The following PTPRD variants were observed in gnomAD, a reference collection of about 807,000 sequenced individuals.
PTPRD encodes the protein receptor-type tyrosine-protein phosphatase delta.
In PTPRD, 34 loss-of-function variants were observed where a neutral mutation model predicts 214.5. That is an observed-to-expected ratio of 0.16 (90% CI 0.12 to 0.21). PTPRD has a LOEUF of 0.21. Among genes scored for constraint, PTPRD ranks in the 10% least tolerant of loss-of-function variants. PTPRD has a pLI of 1.00. For missense variants in PTPRD, 2,545 were observed against 2,398.7 expected (o/e 1.06, Z -1.27); for synonymous variants, 1,128 against 845.7 (o/e 1.33, Z -5.79).
intron 11 of PTPRD, among the ~76,000 whole-genome samples, chr9:8,917,456 AT>A (rs1166512121): frequency 9.2e-5 from 14 of 151,736 alleles, no homozygotes; most frequent in Non-Finnish European, 2.1e-4. Context: ...GATTGTTTCT[AT>A]TTTCCTCTTT....
chr9:10,020,208 C>A (rs1305478011), intron 4 of PTPRD, among the ~76,000 whole-genome samples: 6 of 152,194 alleles, frequency 3.9e-5, no homozygotes, highest in Admixed American at 1.3e-4. Flanking sequence ...TTTATTTGGA[C>A]ATTGTTTTCT....
At chr9:10,434,951 T>G (rs1200895939) in intron 2 of PTPRD, among the ~76,000 whole-genome samples, 1 of 151,834 alleles carries the variant, frequency 6.6e-6, no homozygotes, top group Non-Finnish European at 1.5e-5. Flanking sequence ...ACAATCTCTA[T>G]GCTACCCCGA....
intron 9 of PTPRD, among the ~76,000 whole-genome samples, chr9:9,186,875 T>C (rs972870893): frequency 2.0e-4 from 31 of 152,200 alleles, no homozygotes; most frequent in African/African-American, 6.0e-4. Context: ...ATGATGTTTA[T>C]ATTCTTACAC....
chr9:10,433,373 C>T (rs1416182694), intron 2 of PTPRD, among the ~76,000 whole-genome samples: 1 of 151,930 alleles, frequency 6.6e-6, no homozygotes, highest in African/African-American at 2.4e-5. Context: ...TTTTGCTAAT[C>T]GAGGTATATA....
intron 9 of PTPRD, among the ~76,000 whole-genome samples, chr9:9,348,971 T>C (rs1371265344): frequency 6.6e-6 from 1 of 152,114 alleles, no homozygotes; most frequent in Non-Finnish European, 1.5e-5. Flanking sequence ...AAGTAGTGTC[T>C]GAGGTTATTG....
chr9:9,363,000 C>T (rs1240306686), intron 9 of PTPRD, among the ~76,000 whole-genome samples: 1 of 150,980 alleles, frequency 6.6e-6, no homozygotes, highest in Non-Finnish European at 1.5e-5. Flanking sequence ...GGAGGCAGCT[C>T]CAGTTTATTA....
chr9:8,973,130 ATGTAT>A (rs1203195191), intron 11 of PTPRD, among the ~76,000 whole-genome samples: 4 of 151,994 alleles, frequency 2.6e-5, no homozygotes, highest in Admixed American at 6.6e-5. Flanking sequence ...CAGGTGTCAA[ATGTAT>A]AGATTTGTTA....
At chr9:8,878,366 G>C (rs1354577464) in intron 11 of PTPRD, among the ~76,000 whole-genome samples, 3 of 152,116 alleles carry the variant, frequency 2.0e-5, no homozygotes, top group Non-Finnish European at 4.4e-5. Context: ...AAATTAAAGA[G>C]ACAGAACCAG....
intron 8 of PTPRD, among the ~76,000 whole-genome samples, chr9:9,429,176 G>C (rs1402108572): frequency 2.6e-5 from 4 of 152,104 alleles, no homozygotes; most frequent in Admixed American, 1.3e-4. Context: ...AAGAAGAAAA[G>C]AGAGAAGAAT....
intron 10 of PTPRD, among the ~76,000 whole-genome samples, chr9:9,086,352 C>G (rs571924550): frequency 6.6e-6 from 1 of 152,078 alleles, no homozygotes; most frequent in Non-Finnish European, 1.5e-5. Flanking sequence ...TTATGGGCAG[C>G]CTATTGTGTC....
At chr9:9,865,897 T>C (rs945754942) in intron 5 of PTPRD, among the ~76,000 whole-genome samples, 8 of 152,224 alleles carry the variant, frequency 5.3e-5, no homozygotes, top group African/African-American at 1.4e-4. Context: ...TAAGAATCTG[T>C]AATGGCTTCC....
intron 2 of PTPRD, among the ~76,000 whole-genome samples, chr9:10,468,348 CAG>C (rs1156896163): frequency 6.6e-6 from 1 of 152,068 alleles, no homozygotes; most frequent in Non-Finnish European, 1.5e-5. Context: ...ATGTCCTTTG[CAG>C]AGACACAGAT....
intron 2 of PTPRD, among the ~76,000 whole-genome samples, chr9:10,572,899 G>GT (rs1247373605): frequency 6.6e-6 from 1 of 151,920 alleles, no homozygotes; most frequent in African/African-American, 2.4e-5. Flanking sequence ...AAACTTTTAA[G>GT]TTTTTTTCAA....
At chr9:8,890,457 C>T (rs1193590753) in intron 11 of PTPRD, among the ~76,000 whole-genome samples, 3 of 152,202 alleles carry the variant, frequency 2.0e-5, no homozygotes, top group African/African-American at 7.2e-5. Flanking sequence ...CTTGTCTCCG[C>T]CTGAAGACTT....
rs375755265 is a variant in PTPRD at position 8,636,795 on chromosome 9, G to C, written c.114C>G (p.Gly38=). The C allele has an allele frequency of 3.7e-6, 6 of 1,613,824 alleles. No individual in the cohort carries two copies. Among genetic ancestry groups the C allele is most frequent in the Non-Finnish European group, 5.1e-6 (6 of 1,179,918 alleles). Residue 38 remains glycine (G), a synonymous_variant, in exon 13 of 46, where the codon GGC becomes GGG. Transcript: ENST00000381196. ...RTPVDQTGVS[G]GVASFICQAT... Reference sequence around the variant, plus strand: ...CTTGGCAGATGAAAGAGGCAACTCCGCCAGAGACCCCTGTCTGATCAACGG... The same window carrying C: ...CTTGGCAGATGAAAGAGGCAACTCCCCCAGAGACCCCTGTCTGATCAACGG...
chr9:10,004,273 C>A (rs2096412596), intron 4 of PTPRD, among the ~76,000 whole-genome samples: 1 of 151,792 alleles, frequency 6.6e-6, no homozygotes, highest in African/African-American at 2.4e-5. Context: ...TAAAAGCAAT[C>A]ATTAGGCTAT....
chr9:10,405,970 T>C (rs1319552805), intron 2 of PTPRD, among the ~76,000 whole-genome samples: 1 of 151,496 alleles, frequency 6.6e-6, no homozygotes, highest in African/African-American at 2.4e-5. Flanking sequence ...TGTATATTAT[T>C]ATGTGAATGT....
chr9:8,704,271 C>T (rs537188967), intron 12 of PTPRD, among the ~76,000 whole-genome samples: 4 of 152,266 alleles, frequency 2.6e-5, no homozygotes, highest in East Asian at 1.9e-4. Context: ...CATCTCCCTA[C>T]ACACTCCCTA....
At chr9:8,461,123 G>A (rs2096387439) in intron 32 of PTPRD, among the ~76,000 whole-genome samples, 1 of 152,010 alleles carries the variant, frequency 6.6e-6, no homozygotes, top group African/African-American at 2.4e-5. Context: ...TAATACTACT[G>A]CATATTAGTT....
Sources: allele counts gnomAD v4.1 joint callset (sites outside exome capture counted in the v4.1 genomes callset), GRCh38; gene constraint gnomAD v4.1.1; transcripts MANE v1.5; gene names NCBI Gene and HGNC (gene_info 2026-07-23, HGNC 2026-07-21).